Variants in CELF2 observed in about 807,000 individuals in gnomAD.
CELF2 encodes the protein CUGBP Elav-like family member 2.
A neutral mutation model predicts 62.6 loss-of-function variants in CELF2; 8 were observed. That is an observed-to-expected ratio of 0.13 (90% CI 0.07 to 0.23). The LOEUF (loss-of-function observed/expected upper bound fraction) is 0.23. CELF2 is among the 10% of genes least tolerant of loss of function. CELF2 has a pLI of 1.00. For missense variants in CELF2, 333 were observed against 671.0 expected (o/e 0.50, Z 5.56); for synonymous variants, 258 against 250.0 (o/e 1.03, Z -0.30).
chr10:11,148,092 CAAG>C (rs1426485671), intron 1 of CELF2, among the ~76,000 whole-genome samples: 6 of 152,266 alleles, frequency 3.9e-5, no homozygotes, highest in African/African-American at 1.4e-4. Context: ...CCCAGTCCGG[CAAG>C]AAGAACGTGG....
intron 3 of CELF2, among the ~76,000 whole-genome samples, chr10:11,245,170 A>G (rs372229374): frequency 4.3e-4 from 65 of 152,296 alleles, no homozygotes; most frequent in African/African-American, 1.4e-3. Context: ...CCATCCTTAT[A>G]CTTTAAAACT....
rs2075493187 is a variant in CELF2 at position 11,246,018 on chromosome 10, CACTG to C, written c.355-3130_355-3127del. 6.6e-6 allele frequency among the ~76,000 whole-genome samples: 1 copy of C among 152,150 alleles called. No homozygotes were observed. The highest frequency in any genetic ancestry group is 2.4e-5 in the African/African-American group (1 of 41,412). ...TCCCTTCATACCTGTCAGCCGAGAG[CACTG>C]ACTGCGTGATTTCCAGGGTCCTTTA... On this transcript the variant is annotated intron_variant, in intron 3 of 12. Transcript: ENST00000633077. This position sits in a 1 kb window ranked among gnomAD's most constrained non-coding sequence, Gnocchi z 4.6.
chr10:11,321,077 T>TA lies in CELF2; in HGVS notation c.1097-111dup. 3.8e-6 allele frequency: 5 copies of TA among 1,303,574 alleles called. No individual in the cohort carries two copies. The highest frequency in any genetic ancestry group is 5.5e-6 in the Non-Finnish European group (5 of 913,458). The allele number at this position is 1,303,574 out of a possible 1,614,324, so 80.8% of individuals were successfully genotyped here. A position where few individuals can be genotyped will look rare whatever the true frequency, so the allele number is the denominator to read the frequency against. ...GTTTCCTGTCAGTGTAATTGTGTGCTAGCTGCATGTACTTGCTGTTGTACT... is the reference window on the plus strand; with the variant it reads ...GTTTCCTGTCAGTGTAATTGTGTGCTAAGCTGCATGTACTTGCTGTTGTACT... On this transcript the variant is annotated intron_variant, in intron 10 of 12. Transcript: ENST00000633077. This position sits in a 1 kb window ranked among gnomAD's most constrained non-coding sequence, Gnocchi z 6.2.
At chr10:10,739,813 T>A in the CELF2 span, among the ~76,000 whole-genome samples, 1 of 152,208 alleles carries the variant, frequency 6.6e-6, no homozygotes, top group Non-Finnish European at 1.5e-5. Flanking sequence ...TATCTCATTG[T>A]GGTTTTCAGT....
chr10:10,696,602 C>T, the CELF2 span, among the ~76,000 whole-genome samples: 1 of 152,124 alleles, frequency 6.6e-6, no homozygotes. Flanking sequence ...CTCCCCCAGC[C>T]TCGCTGCGGC....
At chr10:11,275,171 G>C (rs1241361287) in intron 8 of CELF2, 51 bp downstream of exon 8, 8 of 1,589,046 alleles carry the variant, frequency 5.0e-6, no homozygotes, top group Non-Finnish European at 6.9e-6. Flanking sequence ...GTCAGAATTT[G>C]GGGTTGGTTC....
rs2062404206 is a variant in CELF2 at position 11,213,254 on chromosome 10, C to A, written c.272-4171C>A. Among the ~76,000 whole-genome samples, 3 of 152,216 alleles carry A rather than the reference C, an allele frequency of 2.0e-5. No individual in the cohort carries two copies. The East Asian group carries it at 5.8e-4, about 29-fold the overall frequency. On this transcript the variant is annotated intron_variant, in intron 2 of 12. Coordinates refer to ENST00000633077, the MANE Select transcript of CELF2 (RefSeq NM_001326342.2). Reference sequence around the variant, plus strand: ...CCTGGGTGTTGTAGATGTGTGACTACCCCTTACACCGATGTTGGAAACAGA... The same window carrying A: ...CCTGGGTGTTGTAGATGTGTGACTAACCCTTACACCGATGTTGGAAACAGA...
At chr10:10,878,101 G>A (rs9423836) in intron 1 of CELF2, among the ~76,000 whole-genome samples, 19,772 of 152,126 alleles carry the variant, frequency 0.13, 1,544 homozygotes, top group Non-Finnish European at 0.18. Context: ...TTGCTCGCCC[G>A]CCAGCAGGAA....
chr10:10,657,619 A>G, the CELF2 span, among the ~76,000 whole-genome samples: 257 of 152,324 alleles, frequency 1.7e-3, no homozygotes, highest in African/African-American at 6.0e-3. Flanking sequence ...TGTAATATGA[A>G]TCCAATTATA....
At chr10:10,711,976 C>G in the CELF2 span, among the ~76,000 whole-genome samples, 3 of 152,050 alleles carry the variant, frequency 2.0e-5, no homozygotes, top group South Asian at 6.2e-4. Flanking sequence ...ATGTTTATGT[C>G]TGGATGTGCA....
chr10:11,206,249 C>A (rs147658738), intron 2 of CELF2, among the ~76,000 whole-genome samples: 2 of 152,138 alleles, frequency 1.3e-5, no homozygotes, highest in African/African-American at 2.4e-5. Context: ...CTTGAGAGAT[C>A]GGCCTGGCCT....
chr10:10,712,172 A>AAT, the CELF2 span, among the ~76,000 whole-genome samples: 1 of 150,416 alleles, frequency 6.6e-6, no homozygotes, highest in Non-Finnish European at 1.5e-5. Flanking sequence ...AAAAAAAAAA[A>AAT]ACTGGAATCT....
rs936175475 is a variant in CELF2, at chr10:11,210,043, T to A, written c.272-7382T>A. 2.0e-5 allele frequency among the ~76,000 whole-genome samples: 3 copies of A among 152,220 alleles called. No individual in the cohort carries two copies. In the East Asian group the frequency reaches 5.8e-4, roughly 29 times the overall value. ...AATAGCGGGTTCACTAATTTAGCCT[T>A]CCAGGGCCTTCGTCCCTTGATCTGT... is the stretch of plus-strand genomic sequence containing the variant. On this transcript the variant is annotated intron_variant, in intron 2 of 12. Transcript: ENST00000633077.
chr10:11,318,449 G>A lies in CELF2; in HGVS notation c.1097-2740G>A, dbSNP rs1400757086. 2 of 310,886 alleles carry A rather than the reference G, an allele frequency of 6.4e-6. No individual in the cohort carries two copies. The highest frequency in any genetic ancestry group is 1.3e-5 in the Non-Finnish European group (2 of 159,606). The allele number at this position is 310,886 out of a possible 1,614,324, so 19.3% of individuals were successfully genotyped here. On this transcript the variant is annotated intron_variant, in intron 10 of 12. Coordinates refer to ENST00000633077, the MANE Select transcript of CELF2 (RefSeq NM_001326342.2). The surrounding 1 kb of genome is among the most constrained non-coding windows in gnomAD (Gnocchi z 5.4). ...CCTCTGCCACCTCCCCAGGGAAACA[G>A]GGCTGGCCACAGCTGTCTCCTACAT...
intron 1 of CELF2, among the ~76,000 whole-genome samples, chr10:10,891,250 A>T (rs1438159108): frequency 6.6e-6 from 1 of 152,126 alleles, no homozygotes; most frequent in Non-Finnish European, 1.5e-5. Flanking sequence ...ACTCTCTCTC[A>T]TATAAATCCT....
At chr10:11,141,988 C>A (rs2061423107) in intron 1 of CELF2, among the ~76,000 whole-genome samples, 1 of 152,154 alleles carries the variant, frequency 6.6e-6, no homozygotes. Flanking sequence ...ATGAAGATAA[C>A]GACTGCAAAC....
At chr10:10,602,497 A>G in the CELF2 span, among the ~76,000 whole-genome samples, 143 of 152,030 alleles carry the variant, frequency 9.4e-4, no homozygotes, top group Non-Finnish European at 1.6e-3. Context: ...CTAGATAGCT[A>G]ATGACAGCAG....
the CELF2 span, among the ~76,000 whole-genome samples, chr10:10,514,009 T>C: frequency 6.6e-6 from 1 of 152,192 alleles, no homozygotes; most frequent in Non-Finnish European, 1.5e-5. Flanking sequence ...TTGCCAGCAA[T>C]GGAAGAGAGC....
intron 3 of CELF2, among the ~76,000 whole-genome samples, chr10:11,235,631 A>G (rs905985297): frequency 6.6e-6 from 1 of 152,200 alleles, no homozygotes; most frequent in African/African-American, 2.4e-5. Context: ...TTAGCAAAAT[A>G]CCAAGCAAAG....
Sources: gnomAD v4.1 joint callset for allele counts (sites outside exome capture counted in the v4.1 genomes callset) on GRCh38, gnomAD v4.1.1 for gene constraint, Gnocchi (gnomAD v3.1) non-coding constraint, MANE v1.5 for transcripts, NCBI Gene and HGNC (gene_info 2026-07-23, HGNC 2026-07-21) for gene names.